The following IQCM variants were observed in gnomAD, a reference collection of about 807,000 sequenced individuals.
IQCM encodes IQ motif containing M.
A neutral mutation model predicts 57.6 loss-of-function variants in IQCM; 45 were observed. The observed-to-expected ratio is 0.78, with a 90% CI of 0.62 to 1.00. The LOEUF (loss-of-function observed/expected upper bound fraction) is 1.00. Ranked by LOEUF, IQCM falls within the 50% of genes least tolerant of loss-of-function variation. The pLI is 0.00. For missense variants in IQCM, 468 were observed against 511.6 expected (o/e 0.91, Z 0.82); for synonymous variants, 148 against 158.9 (o/e 0.93, Z 0.51).
At chr4:149,711,375 C>G (rs539265789) in intron 5 of IQCM, among the ~76,000 whole-genome samples, 2 of 152,272 alleles carry the variant, frequency 1.3e-5, no homozygotes, top group East Asian at 3.9e-4. Context: ...AGACTAAATT[C>G]AGATTCAAAT....
intron 13 of IQCM, among the ~76,000 whole-genome samples, chr4:149,403,365 T>C (rs1468018717): frequency 1.3e-5 from 2 of 152,042 alleles, no homozygotes; most frequent in East Asian, 3.9e-4. Flanking sequence ...CAAACATTTT[T>C]CAAAACAGTA....
chr4:149,733,728 A>G lies in IQCM; in HGVS notation c.121-220T>C, dbSNP rs181604995. Reference sequence around the variant, plus strand: ...CTATGTCACTCTCTAAAAGTCCTTCACAAGCATAAGGATTATATTCCCCTT... The same window carrying G: ...CTATGTCACTCTCTAAAAGTCCTTCGCAAGCATAAGGATTATATTCCCCTT... On this transcript the variant is annotated intron_variant, in intron 4 of 13. Coordinates refer to ENST00000636793, the MANE Select transcript of IQCM (RefSeq NM_001363507.2). Among the ~76,000 whole-genome samples, 5 of 152,280 alleles carry G rather than the reference A, an allele frequency of 3.3e-5. No homozygotes were observed. In the East Asian group the frequency reaches 9.6e-4, roughly 29 times the overall value.
At chr4:149,637,298 CTT>C (rs1252590448) in intron 7 of IQCM, among the ~76,000 whole-genome samples, 4 of 151,256 alleles carry the variant, frequency 2.6e-5, no homozygotes, top group East Asian at 1.9e-4. Context: ...AGTTTCAAGA[CTT>C]TGAGTATTAA....
At chr4:149,475,145 C>T (rs1454700006) in intron 12 of IQCM, among the ~76,000 whole-genome samples, 2 of 152,154 alleles carry the variant, frequency 1.3e-5, no homozygotes, top group African/African-American at 4.8e-5. Flanking sequence ...TGTGAGGATG[C>T]TATTGCAGTA....
At chr4:149,475,572 G>C (rs1017753275) in intron 12 of IQCM, among the ~76,000 whole-genome samples, 14 of 152,050 alleles carry the variant, frequency 9.2e-5, no homozygotes, top group Admixed American at 5.9e-4. Context: ...CACCATGGGG[G>C]CAGTAGAAAT....
chr4:149,366,530 C>T (rs1391286367), intron 13 of IQCM, among the ~76,000 whole-genome samples: 1 of 151,840 alleles, frequency 6.6e-6, no homozygotes, highest in African/African-American at 2.4e-5. Flanking sequence ...AATTCCCAGA[C>T]ATTAGTAACA....
chr4:149,671,968 T>C (rs777534815), intron 7 of IQCM, among the ~76,000 whole-genome samples: 1 of 152,156 alleles, frequency 6.6e-6, no homozygotes, highest in Non-Finnish European at 1.5e-5. Context: ...CTCTGCAATA[T>C]TTGCTGTTCT....
intron 13 of IQCM, among the ~76,000 whole-genome samples, chr4:149,385,224 G>A (rs1731339715): frequency 6.6e-6 from 1 of 152,012 alleles, no homozygotes; most frequent in Non-Finnish European, 1.5e-5. Flanking sequence ...ATTACTTAGG[G>A]CTTACAAAAT....
chr4:149,632,822 A>G (rs1757381859), intron 7 of IQCM, among the ~76,000 whole-genome samples: 2 of 152,224 alleles, frequency 1.3e-5, no homozygotes, highest in Non-Finnish European at 2.9e-5. Context: ...TAGTACTAAG[A>G]GGCTCACGAA....
intron 7 of IQCM, among the ~76,000 whole-genome samples, chr4:149,679,617 C>T (rs1762027463): frequency 6.6e-6 from 1 of 151,282 alleles, no homozygotes; most frequent in Non-Finnish European, 1.5e-5. Context: ...ATTAAATAAT[C>T]ATGTGTATCA....
chr4:149,499,270 C>T (rs887115744), intron 12 of IQCM, among the ~76,000 whole-genome samples: 2 of 152,046 alleles, frequency 1.3e-5, no homozygotes, highest in Non-Finnish European at 2.9e-5. Flanking sequence ...TCATATATTA[C>T]TCTTTAAGTT....
chr4:149,517,750 G>A (rs1408861740), intron 12 of IQCM, among the ~76,000 whole-genome samples: 3 of 152,090 alleles, frequency 2.0e-5, no homozygotes, highest in Non-Finnish European at 4.4e-5. Context: ...TATAGAGCAG[G>A]CAGAAAAATG....
intron 2 of IQCM, among the ~76,000 whole-genome samples, chr4:149,808,050 AG>A (rs1276701893): frequency 6.6e-6 from 1 of 152,172 alleles, no homozygotes; most frequent in Non-Finnish European, 1.5e-5. Flanking sequence ...CATATGATCC[AG>A]CAATTCCACT....
intron 2 of IQCM, among the ~76,000 whole-genome samples, chr4:149,770,866 A>T (rs1363873818): frequency 6.6e-6 from 1 of 152,078 alleles, no homozygotes; most frequent in African/African-American, 2.4e-5. Flanking sequence ...CCCTAGGGTC[A>T]GGAACGACAC....
At chr4:149,623,574 T>C (rs1756534892) in intron 7 of IQCM, among the ~76,000 whole-genome samples, 1 of 152,242 alleles carries the variant, frequency 6.6e-6, no homozygotes, top group Non-Finnish European at 1.5e-5. Context: ...AATTCCAGTT[T>C]ATTCCACAAA....
intron 8 of IQCM, among the ~76,000 whole-genome samples, chr4:149,595,106 C>T (rs1196066506): frequency 6.6e-6 from 1 of 152,186 alleles, no homozygotes; most frequent in East Asian, 1.9e-4. Context: ...TCTTTTAGGT[C>T]TCTAAGGACT....
At chr4:149,573,645 T>A (rs908248196) in intron 9 of IQCM, among the ~76,000 whole-genome samples, 1 of 151,614 alleles carries the variant, frequency 6.6e-6, no homozygotes, top group Non-Finnish European at 1.5e-5. Flanking sequence ...TTCAAAATAG[T>A]ATTGTTAGGG....
At chr4:149,721,771 C>G (rs923174720) in intron 5 of IQCM, among the ~76,000 whole-genome samples, 1 of 152,002 alleles carries the variant, frequency 6.6e-6, no homozygotes, top group Non-Finnish European at 1.5e-5. Context: ...TAGGTGTCTT[C>G]TTTATAAAAT....
At chr4:149,789,099 C>A (rs1256460051) in intron 2 of IQCM, among the ~76,000 whole-genome samples, 1 of 152,074 alleles carries the variant, frequency 6.6e-6, no homozygotes, top group Non-Finnish European at 1.5e-5. Flanking sequence ...AGTAGGGTGA[C>A]TATAGTTAAC....
Sources: allele counts gnomAD v4.1 joint callset (sites outside exome capture counted in the v4.1 genomes callset), GRCh38; gene constraint gnomAD v4.1.1; transcripts MANE v1.5; gene names NCBI Gene and HGNC (gene_info 2026-07-23, HGNC 2026-07-21).